The following EEFSEC variants were observed in gnomAD, a reference collection of about 807,000 sequenced individuals.
EEFSEC encodes eukaryotic elongation factor, selenocysteine-tRNA specific.
EEFSEC carries 43 observed loss-of-function variants against 42.1 expected under a neutral mutation model. That is an observed-to-expected ratio of 1.02 (90% confidence interval 0.80 to 1.32). EEFSEC has a LOEUF of 1.32. Among genes scored for constraint, EEFSEC ranks in the 40% most tolerant of loss-of-function variants. The probability of loss-of-function intolerance (pLI) is 0.00; values close to 1 mark genes in which losing one functional copy is unlikely to be tolerated. For missense variants in EEFSEC, 745 were observed against 803.6 expected (o/e 0.93, Z 0.88); for synonymous variants, 354 against 339.1 (o/e 1.04, Z -0.48).
intron 4 of EEFSEC, among the ~76,000 whole-genome samples, chr3:128,300,260 T>G (rs1559909682): frequency 6.6e-6 from 1 of 152,240 alleles, no homozygotes; most frequent in Non-Finnish European, 1.5e-5. Context: ...TAAGCAGGAA[T>G]CTGGCCTTTT....
chr3:128,196,248 TA>T (rs1436260284), intron 1 of EEFSEC, among the ~76,000 whole-genome samples: 4 of 152,256 alleles, frequency 2.6e-5, no homozygotes, highest in Non-Finnish European at 5.9e-5. Context: ...TATGATCAAT[TA>T]AATGATGAAC....
intron 1 of EEFSEC, among the ~76,000 whole-genome samples, chr3:128,214,946 C>T (rs2065794688): frequency 6.6e-6 from 1 of 152,114 alleles, no homozygotes; most frequent in Admixed American, 6.5e-5. Context: ...CATGTAACAT[C>T]AGAAACCTTT....
At chr3:128,277,677 C>T (rs374733967) in intron 4 of EEFSEC, among the ~76,000 whole-genome samples, 73 of 152,248 alleles carry the variant, frequency 4.8e-4, no homozygotes, top group Non-Finnish European at 7.6e-4. Flanking sequence ...GGGTGAATCC[C>T]GATTTGTGTG....
chr3:128,390,638 A>G (rs1355172532), intron 6 of EEFSEC, among the ~76,000 whole-genome samples: 3 of 152,174 alleles, frequency 2.0e-5, no homozygotes, highest in Admixed American at 6.5e-5. Context: ...CACAGCGGCC[A>G]CAATCTACCT....
chr3:128,182,285 G>A (rs187764859), intron 1 of EEFSEC, among the ~76,000 whole-genome samples: 4 of 150,474 alleles, frequency 2.7e-5, no homozygotes, highest in Admixed American at 2.6e-4. Context: ...TGAAGAAAAG[G>A]TGACTCAGAC....
Position 128,364,119 on chromosome 3 carries a change from G to A in EEFSEC, c.1600+5746G>A, listed in dbSNP as rs1007379083. On this transcript the variant is annotated intron_variant, in intron 6 of 6. Coordinates refer to ENST00000254730, the MANE Select transcript of EEFSEC (RefSeq NM_021937.5). Reference sequence around the variant, plus strand: ...TTAAGACCAGCCTGGGCAGCAAAGCGAGACCCCATCCCTACAAAAATGTAA... The same window carrying A: ...TTAAGACCAGCCTGGGCAGCAAAGCAAGACCCCATCCCTACAAAAATGTAA... Among the ~76,000 whole-genome samples the A allele has an allele frequency of 7.9e-5, 12 of 152,306 alleles. No individual in the cohort carries two copies. In the East Asian group the frequency reaches 1.2e-3, roughly 15 times the overall value.
At chr3:128,304,326 T>C (rs955016464) in intron 4 of EEFSEC, among the ~76,000 whole-genome samples, 2 of 152,094 alleles carry the variant, frequency 1.3e-5, no homozygotes, top group Admixed American at 1.3e-4. Context: ...TCCACTTACT[T>C]AGAGTTTCTG....
intron 4 of EEFSEC, among the ~76,000 whole-genome samples, chr3:128,297,463 A>G (rs1186247569): frequency 6.6e-6 from 1 of 152,210 alleles, no homozygotes; most frequent in Non-Finnish European, 1.5e-5. Context: ...TGCCATCAGG[A>G]GGAAAGGAGC....
At chr3:128,413,160 G>A (rs1314226646), downstream of EEFSEC, among the ~76,000 whole-genome samples, 1 of 152,218 alleles carries the variant, frequency 6.6e-6, no homozygotes, top group African/African-American at 2.4e-5. Context: ...TGTGGCAGCC[G>A]AGGGGAGGGG....
chr3:128,243,823 G>A (rs1298104220), intron 1 of EEFSEC, among the ~76,000 whole-genome samples: 6 of 152,150 alleles, frequency 3.9e-5, no homozygotes, highest in Middle Eastern at 3.2e-3. Flanking sequence ...TGGGCAGGGC[G>A]GGCTGTGTGG....
chr3:128,358,851 C>T (rs59577679), intron 6 of EEFSEC, among the ~76,000 whole-genome samples: 2,872 of 152,158 alleles, frequency 0.019, 97 homozygotes, highest in African/African-American at 0.064. Flanking sequence ...TGTGCTGGGG[C>T]CTCTCCGTGG....
intron 1 of EEFSEC, chr3:128,154,058 T>TAAAAAAAAAA: frequency 3.5e-6 from 1 of 289,020 alleles, no homozygotes; most frequent in South Asian, 8.2e-5. Flanking sequence ...GCGCCTTCCT[T>TAAAAAAAAAA]AAAAAAAAAA....
In EEFSEC at chr3:128,153,696, C is replaced by T; in HGVS notation, c.189C>T (p.Arg63=). Residue 63 remains arginine, a synonymous_variant, in exon 1 of 7, where the codon CGC becomes CGT. Transcript: ENST00000254730. ...GCTTCTCGGTGCCGCTGCCCGCGCG[C>T]CTGCGGTCGTCTTTGCCCGAGTTCC... The part of the protein sequence containing the change: ...FSCFSVPLPA[R]LRSSLPEFQA... The T allele has an allele frequency of 6.3e-7, 1 of 1,589,650 alleles. No homozygotes were observed. The highest frequency in any genetic ancestry group is 8.5e-7 in the Non-Finnish European group (1 of 1,175,718).
chr3:128,359,837 A>G (rs886845737), intron 6 of EEFSEC, among the ~76,000 whole-genome samples: 2 of 152,150 alleles, frequency 1.3e-5, no homozygotes, highest in African/African-American at 4.8e-5. Context: ...TCTCCTAAAG[A>G]GAAGGTGGTG....
chr3:128,369,809 G>A (rs1206618997), intron 6 of EEFSEC, among the ~76,000 whole-genome samples: 3 of 152,182 alleles, frequency 2.0e-5, no homozygotes, highest in South Asian at 2.1e-4. Context: ...CAATTGCTCC[G>A]TGTTGTCTTG....
chr3:128,313,937 A>T (rs1229215011), intron 4 of EEFSEC, among the ~76,000 whole-genome samples: 1 of 152,156 alleles, frequency 6.6e-6, no homozygotes, highest in African/African-American at 2.4e-5. Context: ...TAACCTCTGC[A>T]TGTGGAAGCT....
At chr3:128,278,617 C>G (rs1169342751) in intron 4 of EEFSEC, among the ~76,000 whole-genome samples, 1 of 152,170 alleles carries the variant, frequency 6.6e-6, no homozygotes, top group Non-Finnish European at 1.5e-5. Flanking sequence ...TAGTTGGGGC[C>G]TCTGGCTAGA....
In EEFSEC at chr3:128,378,436, G is replaced by A. The variant is rs533563366; in HGVS notation, c.1600+20063G>A. Among the ~76,000 whole-genome samples, 16 of 152,270 alleles carry A rather than the reference G, an allele frequency of 1.1e-4. No homozygotes were observed. The South Asian group carries it at 3.1e-3, about 30-fold the overall frequency. ...ATCCAAGGACAGCCTGTGACCTCCC[G>A]CCTGGGACAGGAATCATGTTGGATC... On this transcript the variant is annotated intron_variant, in intron 6 of 6. Coordinates refer to ENST00000254730, the MANE Select transcript of EEFSEC (RefSeq NM_021937.5).
At chr3:128,370,742 G>C (rs2067644013) in intron 6 of EEFSEC, among the ~76,000 whole-genome samples, 1 of 152,238 alleles carries the variant, frequency 6.6e-6, no homozygotes, top group Admixed American at 6.5e-5. Context: ...CCCATCCCAG[G>C]GGGCACCGTT....
Sources: gnomAD v4.1 joint callset for allele counts (sites outside exome capture counted in the v4.1 genomes callset) on GRCh38, gnomAD v4.1.1 for gene constraint, MANE v1.5 for transcripts, NCBI Gene and HGNC (gene_info 2026-07-23, HGNC 2026-07-21) for gene names.